Variants in SEMA3E observed in about 807,000 individuals in gnomAD.
The protein encoded by SEMA3E is semaphorin 3E.
Under a neutral mutation model 93.6 loss-of-function variants are expected in SEMA3E, and 49 were observed. The observed-to-expected ratio is 0.52, with a 90% CI of 0.42 to 0.66. The LOEUF is 0.66. Ranked by LOEUF, SEMA3E falls within the 30% of genes least tolerant of loss-of-function variation. The pLI is 0.00. For missense variants in SEMA3E, 906 were observed against 964.8 expected (o/e 0.94, Z 0.81); for synonymous variants, 363 against 330.7 (o/e 1.10, Z -1.06).
At chr7:83,524,748 A>G (rs1332631065) in intron 1 of SEMA3E, among the ~76,000 whole-genome samples, 1 of 152,062 alleles carries the variant, frequency 6.6e-6, no homozygotes, top group African/African-American at 2.4e-5. Flanking sequence ...AGTTTAAATT[A>G]GGAATTCAAC....
At chr7:83,411,469 G>T (rs1009539348) in intron 5 of SEMA3E, among the ~76,000 whole-genome samples, 2 of 151,906 alleles carry the variant, frequency 1.3e-5, no homozygotes, top group African/African-American at 4.8e-5. Flanking sequence ...TCATATCAAT[G>T]CAAATTTAAA....
intron 1 of SEMA3E, among the ~76,000 whole-genome samples, chr7:83,545,395 A>T (rs1163235690): frequency 1.3e-5 from 2 of 152,112 alleles, no homozygotes; most frequent in East Asian, 1.9e-4. Context: ...CATGCACTTC[A>T]TAATTACAAA....
rs1790354749 is a variant in SEMA3E at position 83,490,269 on chromosome 7, A to G, written c.121T>C (p.Leu41=). The part of the protein sequence containing the change: ...PRLRLSHKEL[L]NLNRTSIFHS... ...AATATTGATGTTCTGTTCAGATTCA[A>G]GAGCTCTGAAATGCAAAGTGATACA... is the stretch of plus-strand genomic sequence containing the variant. The change falls in exon 2 of 17, where the codon TTG becomes CTG. Residue 41 remains leucine, a synonymous_variant. Transcript: ENST00000643230. 2 of 1,611,856 alleles carry G rather than the reference A, an allele frequency of 1.2e-6. No homozygotes were observed. The highest frequency in any genetic ancestry group is 1.7e-6 in the Non-Finnish European group (2 of 1,179,186).
intron 1 of SEMA3E, among the ~76,000 whole-genome samples, chr7:83,626,564 G>A (rs562121551): frequency 6.6e-5 from 10 of 151,864 alleles, no homozygotes; most frequent in Non-Finnish European, 1.2e-4. Flanking sequence ...CCCCTTTATC[G>A]TTTTTTATCG....
rs773812106 is a variant in SEMA3E at position 83,408,438 on chromosome 7, A to C, written c.600T>G (p.Ala200=). The change falls in exon 6 of 17, where the codon GCT becomes GCG. Residue 200 remains alanine (A), a synonymous_variant. Transcript: ENST00000643230. The part of the protein sequence containing the change: ...GLYSDYWSRD[A]AIFRSMGRLA... ...GTCGCCCCATGCTGCGGAAGATCGC[A>C]GCGTCTCTGCTCCAGTAGTCACTGT... 6.8e-6 allele frequency: 11 copies of C among 1,613,708 alleles called. No individual in the cohort carries two copies. The East Asian group carries it at 2.5e-4, about 36-fold the overall frequency.
chr7:83,381,734 C>T (rs755157012), intron 16 of SEMA3E, among the ~76,000 whole-genome samples: 1 of 151,866 alleles, frequency 6.6e-6, no homozygotes, highest in Admixed American at 6.6e-5. Context: ...AGATGGAGTA[C>T]TCTGTATTTT....
intron 2 of SEMA3E, among the ~76,000 whole-genome samples, chr7:83,477,689 A>G (rs1019520865): frequency 6.6e-6 from 1 of 152,150 alleles, no homozygotes; most frequent in African/African-American, 2.4e-5. Flanking sequence ...TTGTATGGAT[A>G]AAATTTACTC....
At chr7:83,628,286 G>A (rs1793715439) in intron 1 of SEMA3E, among the ~76,000 whole-genome samples, 2 of 151,632 alleles carry the variant, frequency 1.3e-5, no homozygotes, top group South Asian at 4.2e-4. Context: ...CTCTTCTCAA[G>A]GTTATCTTCA....
intron 1 of SEMA3E, among the ~76,000 whole-genome samples, chr7:83,543,984 A>G (rs1011810640): frequency 1.3e-5 from 2 of 152,038 alleles, no homozygotes; most frequent in Admixed American, 1.3e-4. Context: ...CTTCCCTCCC[A>G]CAAATGCTTT....
intron 5 of SEMA3E, among the ~76,000 whole-genome samples, chr7:83,412,072 G>A (rs1788448791): frequency 6.6e-6 from 1 of 152,126 alleles, no homozygotes; most frequent in African/African-American, 2.4e-5. Context: ...CAAAGAGACT[G>A]CCATGTAATT....
chr7:83,485,534 A>G (rs1422801672), intron 2 of SEMA3E, among the ~76,000 whole-genome samples: 1 of 152,160 alleles, frequency 6.6e-6, no homozygotes, highest in African/African-American at 2.4e-5. Flanking sequence ...AAGAAATCAT[A>G]TTAAATAAAA....
rs899498662 is a variant in SEMA3E, at chr7:83,378,373, G to T, written c.1875+6921C>A. On this transcript the variant is annotated intron_variant, in intron 16 of 16. Transcript: ENST00000643230. ...CTTTATTTTGCTTCATCAACTAGTTGCACATTTCTTCTTTATAGCTACTTC... is the reference window on the plus strand; with the variant it reads ...CTTTATTTTGCTTCATCAACTAGTTTCACATTTCTTCTTTATAGCTACTTC... Among the ~76,000 whole-genome samples, 4 of 151,798 alleles carry T rather than the reference G, an allele frequency of 2.6e-5. No individual in the cohort carries two copies. The Admixed American group carries it at 2.6e-4, about 10-fold the overall frequency.
intron 1 of SEMA3E, among the ~76,000 whole-genome samples, chr7:83,508,700 T>C (rs951420690): frequency 2.6e-5 from 4 of 152,228 alleles, no homozygotes; most frequent in African/African-American, 7.2e-5. Context: ...TTTTAAATTA[T>C]ATTTTATTAT....
intron 1 of SEMA3E, among the ~76,000 whole-genome samples, chr7:83,567,699 A>C (rs531501202): frequency 6.6e-6 from 1 of 152,186 alleles, no homozygotes; most frequent in East Asian, 1.9e-4. Flanking sequence ...TTTAAATATT[A>C]TTGAAGCAAA....
At chr7:83,630,596 C>T (rs1279925230) in intron 1 of SEMA3E, among the ~76,000 whole-genome samples, 1 of 152,104 alleles carries the variant, frequency 6.6e-6, no homozygotes, top group Admixed American at 6.5e-5. Flanking sequence ...TTGTTTATCA[C>T]AGTGTGATAT....
chr7:83,648,350 T>C (rs773571080), intron 1 of SEMA3E, 78 bp downstream of exon 1: 97 of 1,105,994 alleles, frequency 8.8e-5, no homozygotes, highest in Non-Finnish European at 1.2e-4. Context: ...CCTATGTTAA[T>C]GTTAAACGAC....
At chr7:83,509,456 C>T (rs1012839293) in intron 1 of SEMA3E, among the ~76,000 whole-genome samples, 1 of 152,184 alleles carries the variant, frequency 6.6e-6, no homozygotes, top group Non-Finnish European at 1.5e-5. Context: ...GAGACACACT[C>T]TGTGACATAT....
At chr7:83,461,812 T>G (rs1171156364) in intron 4 of SEMA3E, among the ~76,000 whole-genome samples, 1 of 152,164 alleles carries the variant, frequency 6.6e-6, no homozygotes, top group African/African-American at 2.4e-5. Flanking sequence ...AGAAAAAAGT[T>G]ACAATTCCTT....
At chr7:83,445,910 T>C (rs890246024) in intron 4 of SEMA3E, among the ~76,000 whole-genome samples, 1 of 152,116 alleles carries the variant, frequency 6.6e-6, no homozygotes, top group African/African-American at 2.4e-5. Context: ...ATATTTCAAA[T>C]GCTTTGAGTT....
Sources: allele counts gnomAD v4.1 joint callset (sites outside exome capture counted in the v4.1 genomes callset), GRCh38; gene constraint gnomAD v4.1.1; transcripts MANE v1.5; gene names NCBI Gene and HGNC (gene_info 2026-07-23, HGNC 2026-07-21).